The following LRRIQ3 variants were observed in gnomAD, a reference collection of about 807,000 sequenced individuals.
The protein encoded by LRRIQ3 is leucine-rich repeat and IQ domain-containing protein 3.
In LRRIQ3, 75 loss-of-function variants were observed where a neutral mutation model predicts 59.3. The ratio of observed to expected loss-of-function variants is 1.26; its 90% CI spans 1.05 to 1.53. The LOEUF (loss-of-function observed/expected upper bound fraction) is 1.53. Ranked by LOEUF, LRRIQ3 falls within the 40% of genes most tolerant of loss-of-function variation. The probability of loss-of-function intolerance (pLI) is 0.00; values close to 1 mark genes in which losing one functional copy is unlikely to be tolerated. For missense variants in LRRIQ3, 831 were observed against 710.0 expected (o/e 1.17, Z -1.94); for synonymous variants, 250 against 231.3 (o/e 1.08, Z -0.73).
chr1:74,125,649 C>A (rs1314321515), intron 4 of LRRIQ3, among the ~76,000 whole-genome samples: 1 of 151,488 alleles, frequency 6.6e-6, no homozygotes, highest in Non-Finnish European at 1.5e-5. Flanking sequence ...TATAATGCAC[C>A]ACATTGATTG....
intron 5 of LRRIQ3, among the ~76,000 whole-genome samples, chr1:74,079,934 G>A (rs1346240298): frequency 6.6e-6 from 1 of 151,524 alleles, no homozygotes; most frequent in Non-Finnish European, 1.5e-5. Flanking sequence ...ACATCTTTTT[G>A]TTACTCCAAA....
intron 7 of LRRIQ3, among the ~76,000 whole-genome samples, chr1:74,031,727 G>A (rs921968096): frequency 6.6e-6 from 1 of 151,866 alleles, no homozygotes; most frequent in South Asian, 2.1e-4. Context: ...AAACCTGCAC[G>A]TTGTGCACAT....
chr1:74,114,833 A>G (rs894498390), intron 4 of LRRIQ3, among the ~76,000 whole-genome samples: 2 of 151,988 alleles, frequency 1.3e-5, no homozygotes, highest in African/African-American at 4.8e-5. Context: ...TTCACTAACA[A>G]TAAAAGCTGT....
At position 74,046,649 on chromosome 1, in the gene LRRIQ3, G is replaced by A. The variant is rs545216759; in HGVS notation, c.998-4716C>T. ...TGCACAGCAAAAGAAACTATCATCA[G>A]AGTGAACAGGCAACCTATAGAATGG... On this transcript the variant is annotated intron_variant, in intron 6 of 7. Coordinates refer to ENST00000354431, the MANE Select transcript of LRRIQ3 (RefSeq NM_001105659.2). Among the ~76,000 whole-genome samples the A allele has an allele frequency of 2.6e-5, 4 of 152,246 alleles. No individual in the cohort carries two copies. In the South Asian group the frequency reaches 6.2e-4, roughly 24 times the overall value.
chr1:74,141,134 C>A (rs1323083564), intron 4 of LRRIQ3, among the ~76,000 whole-genome samples: 1 of 151,804 alleles, frequency 6.6e-6, no homozygotes, highest in Non-Finnish European at 1.5e-5. Flanking sequence ...CGTCTTTTTA[C>A]ATTCTCAACA....
At chr1:74,158,939 T>C (rs1460260104) in intron 3 of LRRIQ3, among the ~76,000 whole-genome samples, 1 of 152,110 alleles carries the variant, frequency 6.6e-6, no homozygotes, top group African/African-American at 2.4e-5. Context: ...CCCCTGAACT[T>C]TGGCCCACCA....
intron 7 of LRRIQ3, among the ~76,000 whole-genome samples, chr1:74,028,168 G>C (rs1461816341): frequency 6.6e-6 from 1 of 151,984 alleles, no homozygotes; most frequent in African/African-American, 2.4e-5. Flanking sequence ...CTGGGAAGGA[G>C]AACAAGGCAG....
intron 3 of LRRIQ3, among the ~76,000 whole-genome samples, chr1:74,166,385 G>A (rs894874236): frequency 6.6e-6 from 1 of 151,474 alleles, no homozygotes; most frequent in African/African-American, 2.4e-5. Context: ...CATTTGCAAG[G>A]CCTGTGATCT....
intron 4 of LRRIQ3, among the ~76,000 whole-genome samples, chr1:74,114,628 CA>C (rs1438929089): frequency 6.6e-6 from 1 of 151,302 alleles, no homozygotes; most frequent in East Asian, 1.9e-4. Flanking sequence ...CCCAGCTACT[CA>C]GGAGGCTGAG....
rs367671436 is a variant in LRRIQ3 at position 74,041,480 on chromosome 1, C to T, written c.1451G>A (p.Arg484Gln). The change falls in exon 7 of 8, where the codon CGA (arginine) becomes CAA (glutamine). Residue 484 changes from arginine (R) to glutamine (Q), a missense_variant. By Grantham distance (43) the Arg-to-Gln change is conservative (BLOSUM62 1). Coordinates refer to ENST00000354431, the MANE Select transcript of LRRIQ3 (RefSeq NM_001105659.2). ...GTTGAATCTGTTTTGCCAAACTTGT[C>T]GTAAACTGTTCTGAATTGTCTCTTT... ...ENKETIQNSL[R>Q]QVWQNRFNYL... is the part of the protein sequence containing the mutation. 1.4e-5 allele frequency: 23 copies of T among 1,613,162 alleles called. No individual in the cohort carries two copies. The highest frequency in any genetic ancestry group is 2.7e-5 in the African/African-American group (2 of 74,816).
chr1:74,179,752 AG>A (rs1649866751), intron 3 of LRRIQ3, among the ~76,000 whole-genome samples: 1 of 152,018 alleles, frequency 6.6e-6, no homozygotes, highest in Non-Finnish European at 1.5e-5. Flanking sequence ...TTATTCAAAC[AG>A]ATTTCTTTAA....
intron 3 of LRRIQ3, among the ~76,000 whole-genome samples, chr1:74,159,221 C>T (rs975646883): frequency 3.9e-5 from 6 of 152,150 alleles, no homozygotes; most frequent in African/African-American, 1.2e-4. Context: ...CTTTCCCTCA[C>T]GTGCAATCAG....
chr1:74,096,431 GA>G (rs1352653514), intron 5 of LRRIQ3, among the ~76,000 whole-genome samples: 1 of 151,964 alleles, frequency 6.6e-6, no homozygotes, highest in Non-Finnish European at 1.5e-5. Context: ...CCAATTATAG[GA>G]AAGCCAGTCA....
At chr1:74,171,358 G>A (rs141055195) in intron 3 of LRRIQ3, among the ~76,000 whole-genome samples, 92 of 152,146 alleles carry the variant, frequency 6.0e-4, no homozygotes, top group African/African-American at 2.2e-3. Flanking sequence ...AATCATAAAA[G>A]GTGTTGAATT....
chr1:74,186,425 A>T (rs1650383280), intron 1 of LRRIQ3, among the ~76,000 whole-genome samples: 1 of 152,210 alleles, frequency 6.6e-6, no homozygotes, highest in African/African-American at 2.4e-5. Flanking sequence ...GAGAGGTTCT[A>T]CACTTGTGTG....
At chr1:74,037,761 G>A (rs1170943422) in intron 7 of LRRIQ3, among the ~76,000 whole-genome samples, 1 of 152,182 alleles carries the variant, frequency 6.6e-6, no homozygotes, top group Non-Finnish European at 1.5e-5. Flanking sequence ...AGAGCCACAC[G>A]GGGCAGGGGA....
chr1:74,150,985 C>T (rs375893789), intron 4 of LRRIQ3, among the ~76,000 whole-genome samples: 129 of 147,204 alleles, frequency 8.8e-4, no homozygotes, highest in African/African-American at 3.1e-3. Flanking sequence ...TTTAGTTTGC[C>T]AGAAATAGTT....
In LRRIQ3 at chr1:74,040,324, T is replaced by C. The variant is rs561190676; in HGVS notation, c.1718+889A>G. On this transcript the variant is annotated intron_variant, in intron 7 of 7. Coordinates refer to ENST00000354431, the MANE Select transcript of LRRIQ3 (RefSeq NM_001105659.2). ...TAGAGACCTACAAAGAGACATAGTC[T>C]CCCACACAATAATAGTGGGAGACTT... 2.6e-5 allele frequency among the ~76,000 whole-genome samples: 4 copies of C among 152,212 alleles called. No individual in the cohort carries two copies. In the East Asian group the frequency reaches 7.7e-4, roughly 29 times the overall value.
intron 7 of LRRIQ3, among the ~76,000 whole-genome samples, chr1:74,038,024 G>A (rs1653924875): frequency 6.6e-6 from 1 of 152,202 alleles, no homozygotes; most frequent in Non-Finnish European, 1.5e-5. Flanking sequence ...AGAGGCACCA[G>A]CCAACACTGA....
Sources: allele counts gnomAD v4.1 joint callset (sites outside exome capture counted in the v4.1 genomes callset), GRCh38; gene constraint gnomAD v4.1.1; transcripts MANE v1.5; gene names NCBI Gene and HGNC (gene_info 2026-07-23, HGNC 2026-07-21).